The following PPFIA1 variants were observed in gnomAD, a reference collection of about 807,000 sequenced individuals.
The protein encoded by PPFIA1 is PPFI scaffold protein A1.
A neutral mutation model predicts 149.9 loss-of-function variants in PPFIA1; 25 were observed. The ratio of observed to expected loss-of-function variants is 0.17; its 90% CI spans 0.12 to 0.23. The LOEUF is 0.23. PPFIA1 is among the 10% of genes least tolerant of loss of function. PPFIA1 has a pLI of 1.00. For synonymous variants in PPFIA1, 549 were observed against 552.8 expected, an observed-to-expected ratio of 0.99 and a Z score of 0.10; for missense variants, 1,362 against 1,506.5, an observed-to-expected ratio of 0.90 and a Z score of 1.59.
rs1284258888 is a variant in PPFIA1, at chr11:70,383,058, A to C, written c.*68A>C. ...GCAGCATTTGAATCCAACAAAGACT[A>C]CATTTTGGAATCCAGTGGAATCTTT... On this transcript the variant is annotated 3_prime_UTR_variant, in exon 28 of 28. Coordinates refer to ENST00000253925, the MANE Select transcript of PPFIA1 (RefSeq NM_003626.5). 2.4e-6 allele frequency: 1 copy of C among 413,834 alleles called. No homozygotes were observed. Among genetic ancestry groups the C allele is most frequent in the South Asian group, 1.8e-5 (1 of 56,330 alleles). The allele number at this position is 413,834 out of a possible 1,614,324, so 25.6% of individuals were successfully genotyped here. A position where few individuals can be genotyped will look rare whatever the true frequency, so the allele number is the denominator to read the frequency against.
intron 2 of PPFIA1, among the ~76,000 whole-genome samples, chr11:70,294,331 G>A (rs542639665): frequency 1.0e-3 from 156 of 152,230 alleles, no homozygotes; most frequent in Middle Eastern, 6.8e-3. Flanking sequence ...GTTTGGAGAT[G>A]GCGAGGTGAT....
chr11:70,289,405 A>G (rs1226178090), intron 2 of PPFIA1, among the ~76,000 whole-genome samples: 1 of 152,172 alleles, frequency 6.6e-6, no homozygotes, highest in Non-Finnish European at 1.5e-5. Context: ...GCTTAAACTG[A>G]TGATTTTGAT....
chr11:70,302,964 C>T (rs189545889), intron 2 of PPFIA1, among the ~76,000 whole-genome samples: 67 of 152,142 alleles, frequency 4.4e-4, no homozygotes, highest in East Asian at 3.9e-4. Flanking sequence ...CCTTTGATTC[C>T]TCTGAGATAC....
At chr11:70,336,505 C>CA (rs10640266) in intron 11 of PPFIA1, among the ~76,000 whole-genome samples, 3,338 of 123,122 alleles carry the variant, frequency 0.027, 130 homozygotes, top group African/African-American at 0.081. Context: ...GATCCTGTTT[C>CA]AAAAAAAAAA....
intron 19 of PPFIA1, among the ~76,000 whole-genome samples, chr11:70,360,505 G>A (rs536598513): frequency 2.9e-4 from 44 of 152,330 alleles, no homozygotes; most frequent in African/African-American, 9.4e-4. Flanking sequence ...GATTGTTAGC[G>A]TTCAGAGCTT....
At chr11:70,376,630 G>GTGTGTAAATGT in intron 25 of PPFIA1, 30 bp downstream of exon 25, 2 of 1,512,244 alleles carry the variant, frequency 1.3e-6, no homozygotes, top group Non-Finnish European at 1.8e-6. Flanking sequence ...TTCTTTAAAT[G>GTGTGTAAATGT]TCTGAAATGT....
At position 70,356,179 on chromosome 11, in the gene PPFIA1, A is replaced by G. The variant is rs778796834; in HGVS notation, c.2507A>G (p.Asp836Gly). 31 of 1,614,000 alleles carry G rather than the reference A, an allele frequency of 1.9e-5. No individual in the cohort carries two copies. Among genetic ancestry groups the G allele is most frequent in the African/African-American group, 5.3e-5 (4 of 74,914 alleles). ...ALGQAGVSET[D>G]NSSQDALGLS... Reference sequence around the variant, plus strand: ...CTCACAGCTGGTGTTTCCGAGACGGATAACTCATCTCAGGATGCCTTGGGA... The same window carrying G: ...CTCACAGCTGGTGTTTCCGAGACGGGTAACTCATCTCAGGATGCCTTGGGA... Residue 836 changes from aspartate to glycine, a missense_variant, in exon 19 of 28, where the codon GAT becomes GGT. Around this residue, in one of 7 missense-constraint regions of PPFIA1, gnomAD observed 91 missense variants for 91.2 expected, o/e 1.00. Transcript: ENST00000253925.
intron 21 of PPFIA1, 82 bp from the exon 22 acceptor site, chr11:70,372,133 G>T: frequency 7.9e-7 from 1 of 1,261,584 alleles, no homozygotes; most frequent in Non-Finnish European, 1.1e-6. Flanking sequence ...ATAGGTAATA[G>T]ATTAAAAATT....
intron 2 of PPFIA1, among the ~76,000 whole-genome samples, chr11:70,279,666 A>C (rs117851566): frequency 6.8e-6 from 1 of 146,644 alleles, no homozygotes; most frequent in Non-Finnish European, 1.5e-5. Context: ...ATCATGTCCT[A>C]TGTGTCTCTT....
At chr11:70,288,309 A>G (rs1162608237) in intron 2 of PPFIA1, among the ~76,000 whole-genome samples, 2 of 151,756 alleles carry the variant, frequency 1.3e-5, no homozygotes, top group East Asian at 1.9e-4. Flanking sequence ...TGGTGTTGTG[A>G]TCTGCCCGCC....
chr11:70,348,488 A>G lies in PPFIA1; in HGVS notation c.2163+68A>G, dbSNP rs946387847. On this transcript the variant is annotated intron_variant, in intron 16 of 27. Coordinates refer to ENST00000253925, the MANE Select transcript of PPFIA1 (RefSeq NM_003626.5). ...CCTGTATGAAATCTTGGACACTACA[A>G]ATCTACCCACAAGAAAATCAAGTAC... The G allele has an allele frequency of 2.5e-5, 32 of 1,256,340 alleles. No individual in the cohort carries two copies. The African/African-American group carries it at 3.9e-4, about 15-fold the overall frequency. 77.8% of individuals were successfully genotyped at this position (1,256,340 alleles called of 1,614,324 possible). A position where few individuals can be genotyped will look rare whatever the true frequency, so the allele number is the denominator to read the frequency against.
intron 15 of PPFIA1, among the ~76,000 whole-genome samples, chr11:70,344,692 A>G (rs529384098): frequency 6.6e-6 from 1 of 152,370 alleles, no homozygotes; most frequent in East Asian, 1.9e-4. Flanking sequence ...CTCAACAGCT[A>G]GTTTGGGCCA....
At position 70,348,216 on chromosome 11, in the gene PPFIA1, A is replaced by G. The variant is rs2055834951; in HGVS notation, c.1959A>G (p.Thr653=). 6.2e-7 allele frequency: 1 copy of G among 1,614,118 alleles called. No homozygotes were observed. The highest frequency in any genetic ancestry group is 1.3e-5 in the African/African-American group (1 of 74,934). ...TGATTCAGGAAGAAAAAGAAAATAC[A>G]GAGCAGCGGGCAGAGGAGATTGAAA... ...IRLIQEEKEN[T]EQRAEEIESR... The change falls in exon 16 of 28, where the codon ACA becomes ACG. Residue 653 remains threonine (T), a synonymous_variant. Coordinates refer to ENST00000253925, the MANE Select transcript of PPFIA1 (RefSeq NM_003626.5).
At chr11:70,379,254 G>C (rs1252386898) in intron 26 of PPFIA1, among the ~76,000 whole-genome samples, 1 of 151,766 alleles carries the variant, frequency 6.6e-6, no homozygotes, top group African/African-American at 2.4e-5. Context: ...AGGAGTTTGA[G>C]ACCAGCCTGA....
chr11:70,308,834 G>A (rs905406612), intron 2 of PPFIA1, among the ~76,000 whole-genome samples: 3 of 152,158 alleles, frequency 2.0e-5, no homozygotes, highest in Non-Finnish European at 4.4e-5. Flanking sequence ...CTAGCTACTT[G>A]GGAGGCTGAA....
intron 2 of PPFIA1, among the ~76,000 whole-genome samples, chr11:70,281,296 C>T (rs535870356): frequency 1.3e-5 from 2 of 152,288 alleles, no homozygotes; most frequent in South Asian, 4.1e-4. Flanking sequence ...CATCTCAGCT[C>T]AGTCAGGGCC....
intron 2 of PPFIA1, among the ~76,000 whole-genome samples, chr11:70,306,831 A>T (rs1355881596): frequency 6.6e-6 from 1 of 152,260 alleles, no homozygotes; most frequent in Admixed American, 6.5e-5. Context: ...CACCTGGAGA[A>T]AATGAGGAAG....
chr11:70,325,441 T>C (rs1269332171), intron 4 of PPFIA1, 59 bp from the exon 5 acceptor site: 1 of 1,145,846 alleles, frequency 8.7e-7, no homozygotes, highest in Non-Finnish European at 1.3e-6. Flanking sequence ...AACTATATAT[T>C]AAGAATAAAA....
intron 10 of PPFIA1, chr11:70,334,663 T>C (rs756624376): frequency 1.3e-5 from 2 of 152,240 alleles, no homozygotes; most frequent in South Asian, 2.1e-4. Context: ...TTAGACCTTA[T>C]GAGAAAAGGA....
Sources: gnomAD v4.1 joint callset for allele counts (sites outside exome capture counted in the v4.1 genomes callset) on GRCh38, gnomAD v4.1.1 for gene constraint, gnomAD v4.1.1 regional missense constraint, MANE v1.5 for transcripts, NCBI Gene and HGNC (gene_info 2026-07-23, HGNC 2026-07-21) for gene names.